Variants in NRXN2 observed in about 807,000 individuals in gnomAD.
NRXN2 encodes the protein neurexin-2-beta.
In NRXN2, 29 loss-of-function variants were observed where a neutral mutation model predicts 128.8. The observed-to-expected ratio is 0.23, with a 90% CI of 0.17 to 0.31. The LOEUF (loss-of-function observed/expected upper bound fraction) is 0.31, where lower values mean the gene tolerates loss of function less well. NRXN2 is among the 10% of genes least tolerant of loss of function. The probability of loss-of-function intolerance (pLI) is 1.00; values close to 1 mark genes in which losing one functional copy is unlikely to be tolerated. For missense variants in NRXN2, 1,881 were observed against 2,452.6 expected (o/e 0.77, Z 4.92); for synonymous variants, 1,098 against 1,075.2 (o/e 1.02, Z -0.41).
At chr11:64,626,634 G>A in intron 19 of NRXN2, 82 bp from the exon 20 acceptor site, 1 of 976,268 alleles carries the variant, frequency 1.0e-6, no homozygotes, top group South Asian at 1.3e-5. Context: ...CAATCCTCAG[G>A]AGACTCAGAG....
Position 64,607,355 on chromosome 11 carries a change from G to A in NRXN2, c.4980C>T (p.Tyr1660=). Residue 1660 remains tyrosine (Y), a synonymous_variant, in exon 23 of 23, where the codon TAC becomes TAT. Coordinates refer to ENST00000265459, the MANE Select transcript of NRXN2 (RefSeq NM_015080.4). Reference sequence around the variant, plus strand: ...GGTAGGAGCCCTCATCACGATTGCGGTACTTATACATGGCGTAGAGGAGGA... The same window carrying A: ...GGTAGGAGCCCTCATCACGATTGCGATACTTATACATGGCGTAGAGGAGGA... ...ILILLYAMYK[Y]RNRDEGSYQV... is the part of the protein sequence containing the mutation. 6.2e-7 allele frequency: 1 copy of A among 1,613,928 alleles called. No individual in the cohort carries two copies. Among genetic ancestry groups the A allele is most frequent in the Non-Finnish European group, 8.5e-7 (1 of 1,179,960 alleles).
intron 22 of NRXN2, among the ~76,000 whole-genome samples, chr11:64,614,724 C>A (rs1259194754): frequency 6.6e-6 from 1 of 152,250 alleles, no homozygotes; most frequent in Non-Finnish European, 1.5e-5. Context: ...TTTCCCTCTG[C>A]CCCACACCAC....
intron 2 of NRXN2, chr11:64,712,717 T>G (rs1357887746): frequency 3.1e-6 from 2 of 649,436 alleles, no homozygotes; most frequent in South Asian, 3.0e-5. Flanking sequence ...CCACACAGGC[T>G]GCCCACAGGT....
chr11:64,638,280 G>C (rs1014940040), intron 17 of NRXN2, among the ~76,000 whole-genome samples: 2 of 152,228 alleles, frequency 1.3e-5, no homozygotes, highest in African/African-American at 4.8e-5. Flanking sequence ...ATTACACTGT[G>C]GGGGGACTGG....
chr11:64,676,494 C>T (rs1005067148), intron 7 of NRXN2: 1 of 169,022 alleles, frequency 5.9e-6, no homozygotes, highest in Non-Finnish European at 1.3e-5. Flanking sequence ...CAAACTTGAG[C>T]GGCCCTGTCC....
At chr11:64,663,676 G>C (rs555301179) in intron 9 of NRXN2, among the ~76,000 whole-genome samples, 3 of 152,314 alleles carry the variant, frequency 2.0e-5, no homozygotes, top group East Asian at 1.9e-4. Context: ...AGAAGGAAGA[G>C]AGAGAGAAGG....
At chr11:64,657,780 G>A (rs2048475381) in intron 11 of NRXN2, among the ~76,000 whole-genome samples, 2 of 152,218 alleles carry the variant, frequency 1.3e-5, no homozygotes, top group African/African-American at 4.8e-5. Flanking sequence ...GGAATCTGTA[G>A]ACGGATGCAT....
intron 9 of NRXN2, 122 bp from the exon 10 acceptor site, chr11:64,661,261 A>G: frequency 1.3e-6 from 2 of 1,556,150 alleles, no homozygotes; most frequent in Non-Finnish European, 1.7e-6. Flanking sequence ...CAGCAGGCTC[A>G]GGAGGACGAG....
At chr11:64,668,808 G>A (rs1051207063) in intron 7 of NRXN2, among the ~76,000 whole-genome samples, 10 of 152,132 alleles carry the variant, frequency 6.6e-5, no homozygotes, top group African/African-American at 2.2e-4. Context: ...ATGGTTTCAG[G>A]GTGGGCTAAG....
At chr11:64,701,313 C>A (rs985008286) in intron 2 of NRXN2, among the ~76,000 whole-genome samples, 3 of 152,172 alleles carry the variant, frequency 2.0e-5, no homozygotes, top group African/African-American at 4.8e-5. Flanking sequence ...TCTTTTCCTG[C>A]GACAATCCAG....
chr11:64,660,313 C>T lies in NRXN2; in HGVS notation c.2389+19G>A. On this transcript the variant is annotated intron_variant, in intron 11 of 22. Coordinates refer to ENST00000265459, the MANE Select transcript of NRXN2 (RefSeq NM_015080.4). The surrounding 1 kb of genome is among the most constrained non-coding windows in gnomAD (Gnocchi z 5.2). Reference sequence around the variant, plus strand: ...CAAGGCCAGGTGAGGGGTCAGGAAGCACAGGGCAGGGTGGTTACCGAGGTT... The same window carrying T: ...CAAGGCCAGGTGAGGGGTCAGGAAGTACAGGGCAGGGTGGTTACCGAGGTT... The T allele has an allele frequency of 6.2e-7, 1 of 1,612,220 alleles. No individual in the cohort carries two copies. The highest frequency in any genetic ancestry group is 8.5e-7 in the Non-Finnish European group (1 of 1,179,496).
At chr11:64,692,989 G>T (rs1481815251) in intron 3 of NRXN2, 113 bp from the exon 4 acceptor site, 1 of 909,912 alleles carries the variant, frequency 1.1e-6, no homozygotes, top group African/African-American at 1.7e-5. Context: ...AGAGAGAAGG[G>T]AGAAAAAAGC....
At chr11:64,683,324 A>T (rs1201904020) in intron 6 of NRXN2, among the ~76,000 whole-genome samples, 1 of 152,218 alleles carries the variant, frequency 6.6e-6, no homozygotes, top group African/African-American at 2.4e-5. Context: ...CAGACACTAC[A>T]GAAACTTGAT....
At chr11:64,669,367 T>C (rs1308025877) in intron 7 of NRXN2, among the ~76,000 whole-genome samples, 1 of 152,208 alleles carries the variant, frequency 6.6e-6, no homozygotes, top group African/African-American at 2.4e-5. Flanking sequence ...TTTAGCTACA[T>C]CAACCCACTC....
At chr11:64,659,388 A>T (rs1204007448) in intron 11 of NRXN2, 1 of 152,256 alleles carries the variant, frequency 6.6e-6, no homozygotes, top group Admixed American at 6.5e-5. Flanking sequence ...TTTTGCCCTG[A>T]CTAGGAGAGC....
intron 17 of NRXN2, chr11:64,642,788 TC>T: frequency 1.7e-6 from 2 of 1,144,208 alleles, no homozygotes; most frequent in Non-Finnish European, 2.1e-6. Context: ...CCCGGCCCGC[TC>T]CCCCCGGGGG....
intron 9 of NRXN2, 181 bp from the exon 10 acceptor site, chr11:64,661,320 T>G: frequency 6.8e-7 from 1 of 1,478,844 alleles, no homozygotes; most frequent in Non-Finnish European, 8.9e-7. Flanking sequence ...AAAAACTGCT[T>G]GACAAAGGCC....
chr11:64,630,464 C>T lies in NRXN2; in HGVS notation c.3695G>A (p.Arg1232Gln). The stretch of plus-strand genomic sequence containing the variant: ...CTGCAGGGTGGCGTTGCCGCCGCTT[C>T]GAGTGAAGCGCACCACGTGGTATTT... Reference protein sequence around the residue: ...DGKYHVVRFTRSGGNATLQVD... With the variant: ...DGKYHVVRFTQSGGNATLQVD... The change falls in exon 19 of 23, where the codon CGA becomes CAA. Residue 1232 changes from arginine (R) to glutamine (Q), a missense_variant. Coordinates refer to ENST00000265459, the MANE Select transcript of NRXN2 (RefSeq NM_015080.4). The surrounding 1 kb of genome is among the most constrained non-coding windows in gnomAD (Gnocchi z 4.6). 1 of 1,613,868 alleles carries T rather than the reference C, an allele frequency of 6.2e-7. No individual in the cohort carries two copies.
intron 2 of NRXN2, among the ~76,000 whole-genome samples, chr11:64,706,531 C>A (rs2056349282): frequency 6.6e-6 from 1 of 152,050 alleles, no homozygotes; most frequent in Admixed American, 6.5e-5. Flanking sequence ...CCCCAAAATT[C>A]TTTTGTGGCT....
Sources: allele counts gnomAD v4.1 joint callset (sites outside exome capture counted in the v4.1 genomes callset), GRCh38; gene constraint gnomAD v4.1.1; non-coding constraint Gnocchi (gnomAD v3.1); transcripts MANE v1.5; gene names NCBI Gene and HGNC (gene_info 2026-07-23, HGNC 2026-07-21).